The following NDRG4 variants were observed in gnomAD, a reference collection of about 807,000 sequenced individuals.
NDRG4 encodes protein NDRG4.
NDRG4 carries 38 observed loss-of-function variants against 55.8 expected under a neutral mutation model. That is an observed-to-expected ratio of 0.68 (90% confidence interval 0.53 to 0.89). The LOEUF (loss-of-function observed/expected upper bound fraction) is 0.89, where lower values mean the gene tolerates loss of function less well. Ranked by LOEUF, NDRG4 falls within the 40% of genes least tolerant of loss-of-function variation. The pLI, the probability that NDRG4 is intolerant of heterozygous loss-of-function variation, is 0.00. For missense variants in NDRG4, 455 were observed against 468.6 expected (o/e 0.97, Z 0.27); for synonymous variants, 190 against 182.7 (o/e 1.04, Z -0.32).
chr16:58,503,635 C>T, intron 1 of NDRG4, 163 bp from the exon 2 acceptor site: 1 of 1,378,194 alleles, frequency 7.3e-7, no homozygotes, highest in Non-Finnish European at 1.0e-6. Context: ...GGTGTTCCAT[C>T]CATTCAGTCC....
chr16:58,494,889 G>T, intron 2 of NDRG4: 1 of 1,234,940 alleles, frequency 8.1e-7, no homozygotes. Flanking sequence ...CAGAAATTGA[G>T]TCTGCTAAGG....
intron 8 of NDRG4, 87 bp from the exon 9 acceptor site, chr16:58,507,721 T>C (rs942087506): frequency 7.5e-7 from 1 of 1,328,286 alleles, no homozygotes; most frequent in Non-Finnish European, 1.1e-6. Context: ...CTCCCTGCTT[T>C]ACCAATTGGC....
chr16:58,487,684 C>A (rs1597167018), intron 1 of NDRG4: 8 of 1,281,872 alleles, frequency 6.2e-6, no homozygotes, highest in Non-Finnish European at 8.5e-6. Context: ...CGCCCCAGCC[C>A]CGACTTGCGC....
At position 58,512,442 on chromosome 16, in the gene NDRG4, T is replaced by C. The variant is rs2038906286; in HGVS notation, c.*866T>C. The stretch of plus-strand genomic sequence containing the variant: ...GCAGGTGGCCAGAGGCAGGGGTAGC[T>C]GAGTTCCTGGAGACCCCTTTTTTGC... On this transcript the variant is annotated 3_prime_UTR_variant, in exon 15 of 15. Transcript: ENST00000570248. The C allele has an allele frequency of 1.6e-5, 4 of 252,952 alleles. No homozygotes were observed. The highest frequency in any genetic ancestry group is 1.5e-4 in the South Asian group (4 of 26,378). The allele number at this position is 252,952 out of a possible 1,614,324, so 15.7% of individuals were successfully genotyped here.
In NDRG4 at chr16:58,511,437, T is replaced by A; in HGVS notation, c.920T>A (p.Met307Lys). The change falls in exon 15 of 15, where the codon ATG becomes AAG. Residue 307 changes from methionine to lysine, a missense_variant. Physicochemically the swap from Met to Lys is moderately conservative, Grantham distance 95. Coordinates refer to ENST00000570248, the MANE Select transcript of NDRG4 (RefSeq NM_001242835.2). ...LSGGAVPSAS[M>K]TRLARSRTAS... ...CTGTCCACAGTGCCCTCAGCCAGCA[T>A]GACCCGCCTGGCACGCTCCCGCACT... The A allele has an allele frequency of 6.2e-7, 1 of 1,607,594 alleles. No individual in the cohort carries two copies.
At chr16:58,504,735 C>A in intron 5 of NDRG4, 86 bp downstream of exon 5, 1 of 1,471,190 alleles carries the variant, frequency 6.8e-7, no homozygotes, top group Non-Finnish European at 9.5e-7. Context: ...AACCCTTCAG[C>A]CTTGAGGAAG....
At chr16:58,495,177 G>C (rs1567599218), upstream of NDRG4, among the ~76,000 whole-genome samples, 1 of 152,236 alleles carries the variant, frequency 6.6e-6, no homozygotes, top group Non-Finnish European at 1.5e-5. Context: ...CAGCAGGGAA[G>C]AGACGGGGCC....
Position 58,500,214 on chromosome 16 carries a change from C to G in NDRG4, c.-35C>G, listed in dbSNP as rs1417657707. On this transcript the variant is annotated 5_prime_UTR_variant, in exon 1 of 15. Transcript: ENST00000570248. Reference sequence around the variant, plus strand: ...CGAGTGACTCAGGCCTTTGTTTGTCCTTCCTGGTAGAGGCGGGTTCCCTCC... The same window carrying G: ...CGAGTGACTCAGGCCTTTGTTTGTCGTTCCTGGTAGAGGCGGGTTCCCTCC... 2 of 1,536,136 alleles carry G rather than the reference C, an allele frequency of 1.3e-6. No individual in the cohort carries two copies. Among genetic ancestry groups the G allele is most frequent in the East Asian group, 4.9e-5 (2 of 40,922 alleles).
At chr16:58,511,326 C>T (rs897366282) in intron 14 of NDRG4, 96 bp from the exon 15 acceptor site, 14 of 1,385,582 alleles carry the variant, frequency 1.0e-5, no homozygotes, top group East Asian at 6.9e-5. Context: ...CTTCGAGGAA[C>T]GGTTCGCTGG....
chr16:58,470,906 C>CAAAA (rs142300769), intron 1 of NDRG4, among the ~76,000 whole-genome samples: 2,725 of 79,644 alleles, frequency 0.034, 115 homozygotes, highest in Non-Finnish European at 0.046. Context: ...GACACCATCT[C>CAAAA]CAAAAAAAAA....
At chr16:58,487,639 G>A in intron 1 of NDRG4, 2 of 739,156 alleles carry the variant, frequency 2.7e-6, no homozygotes, top group Non-Finnish European at 4.2e-6. Flanking sequence ...TGCGCTTGGG[G>A]GCCAGGGGGA....
intron 2 of NDRG4, among the ~76,000 whole-genome samples, chr16:58,491,430 G>T (rs372330217): frequency 2.6e-5 from 4 of 150,954 alleles, no homozygotes; most frequent in African/African-American, 9.7e-5. Context: ...TCCAGCTGCA[G>T]TGCTGAAAGC....
At chr16:58,503,980 C>A in intron 2 of NDRG4, 77 bp downstream of exon 2, 1 of 1,561,384 alleles carries the variant, frequency 6.4e-7, no homozygotes, top group Non-Finnish European at 8.8e-7. Flanking sequence ...ACCCTCCCCA[C>A]AGGGCCCTGT....
chr16:58,510,601 C>T (rs573197521), intron 13 of NDRG4, 44 bp from the exon 14 acceptor site: 3 of 1,507,020 alleles, frequency 2.0e-6, no homozygotes, highest in Non-Finnish European at 1.8e-6. Context: ...TGTGTTGTGT[C>T]TCCCCCATCC....
At chr16:58,504,007 C>A (rs1239655604) in intron 2 of NDRG4, 104 bp downstream of exon 2, 3 of 1,541,584 alleles carry the variant, frequency 1.9e-6, no homozygotes, top group African/African-American at 1.4e-5. Context: ...CACTCACACT[C>A]ACCTCTGTTG....
chr16:58,500,135 G>A, upstream of NDRG4: 1 of 1,534,578 alleles, frequency 6.5e-7, no homozygotes, highest in Admixed American at 2.0e-5. Flanking sequence ...CAGGAGCTGT[G>A]CCCCATCACA....
intron 1 of NDRG4, among the ~76,000 whole-genome samples, chr16:58,481,044 T>TCTG (rs2034326845): frequency 6.6e-6 from 1 of 151,148 alleles, no homozygotes; most frequent in African/African-American, 2.4e-5. Context: ...AGTCCACACA[T>TCTG]GAGCATATGA....
At chr16:58,486,187 G>A (rs563131241) in intron 1 of NDRG4, among the ~76,000 whole-genome samples, 94 of 152,210 alleles carry the variant, frequency 6.2e-4, no homozygotes, top group African/African-American at 2.1e-3. Context: ...TTTGAGACAC[G>A]GTCTTGCTCT....
chr16:58,474,054 T>TG (rs2033268282), intron 1 of NDRG4, among the ~76,000 whole-genome samples: 1 of 118,072 alleles, frequency 8.5e-6, no homozygotes, highest in Non-Finnish European at 1.8e-5. Flanking sequence ...TTTTTTTTTT[T>TG]GAGAGAGAAT....
Sources: gnomAD v4.1 joint callset for allele counts (sites outside exome capture counted in the v4.1 genomes callset) on GRCh38, gnomAD v4.1.1 for gene constraint, MANE v1.5 for transcripts, NCBI Gene and HGNC (gene_info 2026-07-23, HGNC 2026-07-21) for gene names.